Variants in DGKB observed in about 807,000 individuals in gnomAD.
DGKB encodes diacylglycerol kinase beta, also known as 90 kDa diacylglycerol kinase.
A neutral mutation model predicts 114.3 loss-of-function variants in DGKB; 67 were observed. That is an observed-to-expected ratio of 0.59 (90% CI 0.48 to 0.72). DGKB has a LOEUF of 0.72. DGKB is among the 30% of genes least tolerant of loss of function. DGKB has a pLI of 0.00. For synonymous variants in DGKB, 398 were observed against 323.1 expected (o/e 1.23, Z -2.49); for missense variants, 907 against 975.2 (o/e 0.93, Z 0.93).
At chr7:14,682,487 G>C in intron 12 of DGKB, 66 bp downstream of exon 12, 1 of 1,083,726 alleles carries the variant, frequency 9.2e-7, no homozygotes, top group Non-Finnish European at 1.4e-6. Context: ...AGGACTTTCA[G>C]AGAGTATGAT....
At chr7:14,168,825 T>C (rs867523981) in intron 25 of DGKB, among the ~76,000 whole-genome samples, 2 of 152,186 alleles carry the variant, frequency 1.3e-5, no homozygotes, top group Admixed American at 6.5e-5. Context: ...TTCTGACAGA[T>C]GGGAAGTTAA....
chr7:14,770,716 TG>T (rs1054287218), intron 2 of DGKB, among the ~76,000 whole-genome samples: 1 of 152,102 alleles, frequency 6.6e-6, no homozygotes, highest in Non-Finnish European at 1.5e-5. Flanking sequence ...CTAGCACCAC[TG>T]TTATGATTAG....
At chr7:14,873,811 A>T (rs1205488357) in intron 1 of DGKB, among the ~76,000 whole-genome samples, 3 of 152,028 alleles carry the variant, frequency 2.0e-5, no homozygotes, top group Non-Finnish European at 2.9e-5. Context: ...AAATTATTTT[A>T]AAAGTATTCA....
At chr7:14,756,845 G>T (rs566706108) in intron 3 of DGKB, among the ~76,000 whole-genome samples, 122 of 152,064 alleles carry the variant, frequency 8.0e-4, no homozygotes, top group African/African-American at 2.7e-3. Flanking sequence ...GCAAAGAGAA[G>T]TATGAAGCAA....
intron 23 of DGKB, among the ~76,000 whole-genome samples, chr7:14,219,607 A>C (rs1389444888): frequency 6.6e-6 from 1 of 151,742 alleles, no homozygotes; most frequent in Non-Finnish European, 1.5e-5. Context: ...TCTATTAAGG[A>C]CATCTGCCAT....
rs150443908 is a variant in DGKB at position 14,469,903 on chromosome 7, T to G, written c.1835+8258A>C. On this transcript the variant is annotated intron_variant, in intron 21 of 25. Transcript: ENST00000402815. ...GTATACAAATATATAAATCGATGCA[T>G]CACAAATACATATATGTATACACAT... Among the ~76,000 whole-genome samples, 806 of 151,992 alleles carry G rather than the reference T, an allele frequency of 5.3e-3. 5 individuals carry two copies. Among genetic ancestry groups the G allele is most frequent in the Middle Eastern group, 0.017 (5 of 292 alleles).
rs938973012 is a variant in DGKB, at chr7:14,434,191, C to G, written c.1835+43970G>C. Among the ~76,000 whole-genome samples, 9 of 152,242 alleles carry G rather than the reference C, an allele frequency of 5.9e-5. No homozygotes were observed. The East Asian group carries it at 1.7e-3, about 29-fold the overall frequency. ...TGGACAAGCAAACTGTTTGCCACTG[C>G]TGAGTTATCTTTATTTTGACTTGAA... is the stretch of plus-strand genomic sequence containing the variant. On this transcript the variant is annotated intron_variant, in intron 21 of 25. Transcript: ENST00000402815.
At chr7:14,275,607 G>A (rs979463835) in intron 23 of DGKB, among the ~76,000 whole-genome samples, 2 of 152,118 alleles carry the variant, frequency 1.3e-5, no homozygotes, top group African/African-American at 2.4e-5. Flanking sequence ...GTCTCTGCTC[G>A]CTAGAAAGGC....
intron 17 of DGKB, among the ~76,000 whole-genome samples, chr7:14,597,850 G>C (rs1158661745): frequency 6.6e-6 from 1 of 152,044 alleles, no homozygotes; most frequent in African/African-American, 2.4e-5. Context: ...GCATGCATGT[G>C]TACAAGCAAT....
At chr7:14,639,789 C>T (rs950358739) in intron 13 of DGKB, among the ~76,000 whole-genome samples, 19 of 152,242 alleles carry the variant, frequency 1.2e-4, no homozygotes, top group Non-Finnish European at 2.6e-4. Context: ...AGAACTTTTT[C>T]TCCCTCCATA....
At chr7:14,186,355 A>C (rs1403895103) in intron 23 of DGKB, among the ~76,000 whole-genome samples, 2 of 152,194 alleles carry the variant, frequency 1.3e-5, no homozygotes, top group Non-Finnish European at 2.9e-5. Context: ...TCAAAAAAAT[A>C]ATCAAAAAAC....
intron 1 of DGKB, among the ~76,000 whole-genome samples, chr7:14,951,981 T>G (rs1359517328): frequency 6.6e-6 from 1 of 152,028 alleles, no homozygotes; most frequent in Non-Finnish European, 1.5e-5. Context: ...GCTGAAGTCT[T>G]AACTCTCAGT....
At chr7:14,556,557 G>C (rs1795905107) in intron 20 of DGKB, among the ~76,000 whole-genome samples, 1 of 151,870 alleles carries the variant, frequency 6.6e-6, no homozygotes, top group Non-Finnish European at 1.5e-5. Flanking sequence ...CCCTATACGT[G>C]TATTTTGATT....
chr7:14,152,872 C>T lies in DGKB; in HGVS notation c.2305-3634G>A, dbSNP rs147556302. Among the ~76,000 whole-genome samples the T allele has an allele frequency of 2.2e-3, 334 of 152,154 alleles. 1 individual carries two copies. Among genetic ancestry groups the T allele is most frequent in the African/African-American group, 7.5e-3 (312 of 41,542 alleles). ...AATAAAAAATAACGTTGATCTGGCT[C>T]TTACTGTGTGCTGAGCATTTTGCTA... On this transcript the variant is annotated intron_variant, in intron 25 of 25. Transcript: ENST00000402815.
intron 2 of DGKB, among the ~76,000 whole-genome samples, chr7:14,774,660 T>C (rs1030861884): frequency 6.6e-6 from 1 of 152,170 alleles, no homozygotes; most frequent in Non-Finnish European, 1.5e-5. Context: ...TATGCAACAG[T>C]CTTCTCCAAA....
intron 1 of DGKB, among the ~76,000 whole-genome samples, chr7:14,947,206 T>G (rs943574483): frequency 5.9e-5 from 9 of 151,748 alleles, no homozygotes; most frequent in African/African-American, 1.9e-4. Flanking sequence ...TTTGTTATGT[T>G]TAAACCTAAA....
At chr7:14,907,620 C>G (rs1438411062), upstream of DGKB, among the ~76,000 whole-genome samples, 2 of 152,112 alleles carry the variant, frequency 1.3e-5, no homozygotes, top group African/African-American at 4.8e-5. Flanking sequence ...TCATTGAAAC[C>G]ATAATTTCTG....
At chr7:14,352,717 G>C (rs986601747) in intron 21 of DGKB, among the ~76,000 whole-genome samples, 4 of 152,180 alleles carry the variant, frequency 2.6e-5, no homozygotes, top group African/African-American at 4.8e-5. Flanking sequence ...GAGGTCAGGA[G>C]TTTGAGAGCA....
chr7:14,953,919 T>A lies in DGKB; in HGVS notation c.-188+20777A>T, dbSNP rs529302952. Among the ~76,000 whole-genome samples, 21 of 152,210 alleles carry A rather than the reference T, an allele frequency of 1.4e-4. No homozygotes were observed. The South Asian group carries it at 2.9e-3, about 21-fold the overall frequency. On this transcript the variant is annotated intron_variant, in intron 1 of 4. Coordinates refer to the DGKB transcript ENST00000437998. ...GCCCCCAGACCTGCAGCTTTCAGCA[T>A]CACCTGGAAACTTGTTAGAAATGCA...
Sources: gnomAD v4.1 joint callset for allele counts (sites outside exome capture counted in the v4.1 genomes callset) on GRCh38, gnomAD v4.1.1 for gene constraint, MANE v1.5 for transcripts, NCBI Gene and HGNC (gene_info 2026-07-23, HGNC 2026-07-21) for gene names.